The following VASN variants were observed in gnomAD, a reference collection of about 807,000 sequenced individuals.
VASN encodes the protein vasorin.
In VASN, 5 loss-of-function variants were observed where a neutral mutation model predicts 4.8. The observed-to-expected ratio is 1.03, with a 90% CI of 0.54 to 2.17. The LOEUF is 2.17. Ranked by LOEUF, VASN falls within the 30% of genes most tolerant of loss-of-function variation. VASN has a pLI of 0.01. For synonymous variants in VASN, 499 were observed against 460.8 expected, an observed-to-expected ratio of 1.08 and a Z score of -1.06; for missense variants, 927 against 948.8, an observed-to-expected ratio of 0.98 and a Z score of 0.30.
chr16:4,380,985 C>T lies in VASN; in HGVS notation c.108C>T (p.Val36=). The T allele has an allele frequency of 6.2e-7, 1 of 1,608,228 alleles. No homozygotes were observed. The highest frequency in any genetic ancestry group is 1.3e-5 in the African/African-American group (1 of 75,016). ...SGCQCSQPQT[V]FCTARQGTTV... ...GCCAGTGCAGCCAGCCACAGACAGT[C>T]TTCTGCACTGCCCGCCAGGGGACCA... The change falls in exon 2 of 2, where the codon GTC becomes GTT. Residue 36 remains valine (V), a synonymous_variant. Coordinates refer to ENST00000304735, the MANE Select transcript of VASN (RefSeq NM_138440.3).
Position 4,382,668 on chromosome 16 carries a change from CTG to C in VASN, c.1796_1797del (p.Val599AlafsTer51). On this transcript the variant is annotated frameshift_variant, in exon 2 of 2. Transcript: ENST00000304735. LOFTEE classifies it high-confidence loss of function. ...AALAAVGAAY[C>X]VRRGRAMAAA... The stretch of plus-strand genomic sequence containing the variant: ...CGCTGGCTGCGGTGGGGGCAGCCTA[CTG>C]TGTGCGGCGGGGGCGGGCCATGGCA... The C allele has an allele frequency of 6.5e-7, 1 of 1,549,900 alleles. No homozygotes were observed. Among genetic ancestry groups the C allele is most frequent in the Non-Finnish European group, 8.7e-7 (1 of 1,149,106 alleles).
intron 1 of VASN, among the ~76,000 whole-genome samples, chr16:4,375,398 C>G (rs2054682518): frequency 6.6e-6 from 1 of 152,264 alleles, no homozygotes; most frequent in African/African-American, 2.4e-5. Flanking sequence ...CCTTTGCAAC[C>G]CTCTGTCCTG....
Position 4,371,864 on chromosome 16 carries a change from C to G in VASN, c.-139C>G, listed in dbSNP as rs2054541158. 6.6e-6 allele frequency: 1 copy of G among 152,150 alleles called. No homozygotes were observed. Among genetic ancestry groups the G allele is most frequent in the African/African-American group, 2.4e-5 (1 of 41,460 alleles). 9.4% of individuals were successfully genotyped at this position (152,150 alleles called of 1,614,324 possible). A position where few individuals can be genotyped will look rare whatever the true frequency, so the allele number is the denominator to read the frequency against. On this transcript the variant is annotated 5_prime_UTR_variant, in exon 1 of 2. Transcript: ENST00000304735. ...CAGCGAGCCGACTCCGGAGCCCGAG[C>G]CCGGGGCGGGTGGACGCGGACTCGA...
At position 4,382,633 on chromosome 16, in the gene VASN, C is replaced by T. The variant is rs1048056699; in HGVS notation, c.1756C>T (p.Leu586Phe). The part of the protein sequence containing the change: ...LLIAPALAAV[L>F]LAALAAVGAA... ...CATTGCGCCCGCCCTGGCCGCGGTG[C>T]TCCTGGCCGCGCTGGCTGCGGTGGG... The change falls in exon 2 of 2, where the codon CTC becomes TTC. Residue 586 changes from leucine to phenylalanine, a missense_variant. Coordinates refer to ENST00000304735, the MANE Select transcript of VASN (RefSeq NM_138440.3). 3.8e-6 allele frequency: 6 copies of T among 1,563,982 alleles called. No individual in the cohort carries two copies. Among genetic ancestry groups the T allele is most frequent in the Non-Finnish European group, 3.5e-6 (4 of 1,156,288 alleles).
rs768403654 is a variant in VASN, at chr16:4,381,020, G to A, written c.143G>A (p.Arg48Gln). Residue 48 changes from arginine to glutamine, a missense_variant, in exon 2 of 2, where the codon CGA (arginine) becomes CAA (glutamine). Physicochemically the swap from Arg to Gln is conservative, Grantham distance 43. Coordinates refer to ENST00000304735, the MANE Select transcript of VASN (RefSeq NM_138440.3). ...CTARQGTTVP[R>Q]DVPPDTVGLY... ...GCCCGCCAGGGGACCACGGTGCCCC[G>A]AGACGTGCCACCCGACACGGTGGGG... 5.0e-6 allele frequency: 8 copies of A among 1,609,792 alleles called. No individual in the cohort carries two copies. The highest frequency in any genetic ancestry group is 2.2e-5 in the East Asian group (1 of 44,756).
Position 4,382,655 on chromosome 16 carries a change from TGGGGGCAGCCTACTGTGTGCGGC to T in VASN, c.1785_1807del (p.Ala596GlyfsTer47), listed in dbSNP as rs940509334. ...GTGCTCCTGGCCGCGCTGGCTGCGG[TGGGGGCAGCCTACTGTGTGCGGC>T]GGGGGCGGGCCATGGCAGCAGCGGC... is the stretch of plus-strand genomic sequence containing the variant. On this transcript the variant is annotated frameshift_variant, in exon 2 of 2. Coordinates refer to ENST00000304735, the MANE Select transcript of VASN (RefSeq NM_138440.3). LOFTEE classifies it high-confidence loss of function. 12 of 1,553,330 alleles carry T rather than the reference TGGGGGCAGCCTACTGTGTGCGGC, an allele frequency of 7.7e-6. No homozygotes were observed. The highest frequency in any genetic ancestry group is 1.4e-5 in the African/African-American group (1 of 73,282).
In VASN at chr16:4,382,932, T is replaced by G; in HGVS notation, c.*33T>G. The G allele has an allele frequency of 6.8e-7, 1 of 1,461,844 alleles. No homozygotes were observed. The highest frequency in any genetic ancestry group is 9.0e-7 in the Non-Finnish European group (1 of 1,106,520). 90.6% of individuals were successfully genotyped at this position (1,461,844 alleles called of 1,614,324 possible). On this transcript the variant is annotated 3_prime_UTR_variant, in exon 2 of 2. Transcript: ENST00000304735. ...AGAGACAGGGCAGCTGGGGCCGGGC[T>G]CTCAGCCAGTGAGATGGCCAGCCCC...
chr16:4,376,480 C>T (rs1429457968), intron 1 of VASN, among the ~76,000 whole-genome samples: 1 of 152,190 alleles, frequency 6.6e-6, no homozygotes, highest in Non-Finnish European at 1.5e-5. Flanking sequence ...GAGGGGCGTA[C>T]TGGCCTCAGA....
At chr16:4,373,773 G>A (rs2054616880) in intron 1 of VASN, among the ~76,000 whole-genome samples, 2 of 152,176 alleles carry the variant, frequency 1.3e-5, no homozygotes, top group Admixed American at 1.3e-4. Flanking sequence ...GAACAAGAAA[G>A]CAGGGCCCTG....
Position 4,381,117 on chromosome 16 carries a change from C to A in VASN, c.240C>A (p.Leu80=). ...TTGCCGGCCTGCCGGGCCTGCAGCT[C>A]CTGGACCTGTCACAGAACCAGATCG... is the stretch of plus-strand genomic sequence containing the variant. ...GSFAGLPGLQ[L]LDLSQNQIAS... The change falls in exon 2 of 2, where the codon CTC becomes CTA. Residue 80 remains leucine (L), a synonymous_variant. Coordinates refer to ENST00000304735, the MANE Select transcript of VASN (RefSeq NM_138440.3). 1 of 1,609,766 alleles carries A rather than the reference C, an allele frequency of 6.2e-7. No homozygotes were observed. Among genetic ancestry groups the A allele is most frequent in the African/African-American group, 1.3e-5 (1 of 74,984 alleles).
intron 1 of VASN, among the ~76,000 whole-genome samples, chr16:4,378,605 G>A (rs889441176): frequency 1.3e-5 from 2 of 152,140 alleles, no homozygotes; most frequent in Non-Finnish European, 2.9e-5. Flanking sequence ...AGGGCCTTAG[G>A]TCATCAGACA....
At chr16:4,375,544 G>C (rs1163775776) in intron 1 of VASN, among the ~76,000 whole-genome samples, 5 of 152,246 alleles carry the variant, frequency 3.3e-5, no homozygotes, top group Non-Finnish European at 5.9e-5. Context: ...CTGGAGTGCA[G>C]TGGCGCAATA....
intron 1 of VASN, among the ~76,000 whole-genome samples, chr16:4,373,951 T>C (rs889634114): frequency 7.2e-5 from 11 of 152,162 alleles, no homozygotes; most frequent in Admixed American, 2.0e-4. Context: ...TAGTGACCTC[T>C]CCTGGACCCC....
intron 1 of VASN, among the ~76,000 whole-genome samples, 176 bp from the exon 2 acceptor site, chr16:4,380,693 G>A (rs576015546): frequency 1.3e-5 from 2 of 152,368 alleles, no homozygotes. Context: ...CACAGTGAGG[G>A]AGTGACGGGG....
In VASN at chr16:4,381,635, C is replaced by A; in HGVS notation, c.758C>A (p.Ala253Asp). ...CGGCTGGCCGGCAACACCCGCATTG[C>A]CCAGCTGCGGCCCGAGGACCTGGCC... ...RLRLAGNTRI[A>D]QLRPEDLAGL... The change falls in exon 2 of 2, where the codon GCC (alanine) becomes GAC (aspartate). Residue 253 changes from alanine (A) to aspartate (D), a missense_variant. Ala to Asp is a moderately radical substitution (Grantham distance 126). Coordinates refer to ENST00000304735, the MANE Select transcript of VASN (RefSeq NM_138440.3). 1.3e-6 allele frequency: 2 copies of A among 1,599,602 alleles called. No individual in the cohort carries two copies. Among genetic ancestry groups the A allele is most frequent in the Non-Finnish European group, 1.7e-6 (2 of 1,173,856 alleles).
In VASN at chr16:4,382,272, C is replaced by G. The variant is rs772324023; in HGVS notation, c.1395C>G (p.Thr465=). The change falls in exon 2 of 2, where the codon ACC becomes ACG. Residue 465 remains threonine, a synonymous_variant. Coordinates refer to ENST00000304735, the MANE Select transcript of VASN (RefSeq NM_138440.3). The part of the protein sequence containing the change: ...PVTPRPPRSL[T]LGIEPVSPTS... The stretch of plus-strand genomic sequence containing the variant: ...CGCCGAGGCCACCACGGTCCCTGAC[C>G]CTGGGCATCGAGCCGGTGAGCCCCA... The G allele has an allele frequency of 2.7e-5, 43 of 1,608,790 alleles. No individual in the cohort carries two copies. The Middle Eastern group carries it at 4.9e-4, about 18-fold the overall frequency.
Position 4,381,525 on chromosome 16 carries a change from C to T in VASN, c.648C>T (p.Arg216=), listed in dbSNP as rs1350155028. 6 of 1,601,642 alleles carry T rather than the reference C, an allele frequency of 3.7e-6. No homozygotes were observed. The highest frequency in any genetic ancestry group is 4.3e-6 in the Non-Finnish European group (5 of 1,175,266). The change falls in exon 2 of 2, where the codon CGC becomes CGT. Residue 216 remains arginine, a synonymous_variant. Coordinates refer to ENST00000304735, the MANE Select transcript of VASN (RefSeq NM_138440.3). ...ACGAGGGGCTCTTCAGCCGCTTGCG[C>T]AACCTCCACGACCTGGATGTGTCCG... ...QLDEGLFSRL[R]NLHDLDVSDN...
At chr16:4,376,255 C>T (rs1249600631) in intron 1 of VASN, among the ~76,000 whole-genome samples, 1 of 152,212 alleles carries the variant, frequency 6.6e-6, no homozygotes, top group Non-Finnish European at 1.5e-5. Context: ...CCCTGAGCCT[C>T]CTCGGACACG....
At position 4,380,909 on chromosome 16, in the gene VASN, T is replaced by C. The variant is rs150063253; in HGVS notation, c.32T>C (p.Leu11Pro). 1.1e-4 allele frequency: 165 copies of C among 1,562,174 alleles called. No individual in the cohort carries two copies. In the East Asian group the frequency reaches 3.5e-3, roughly 33 times the overall value. MCSRVPLLLP[L>P]LLLLALGPGV... ...TCCAGGGTCCCTCTGCTGCTGCCGC[T>C]GCTCCTGCTACTGGCCCTGGGGCCT... The change falls in exon 2 of 2, where the codon CTG (leucine) becomes CCG (proline). Residue 11 changes from leucine (L) to proline (P), a missense_variant. By Grantham distance (98) the Leu-to-Pro change is moderately conservative. Coordinates refer to ENST00000304735, the MANE Select transcript of VASN (RefSeq NM_138440.3).
Sources: gnomAD v4.1 joint callset for allele counts (sites outside exome capture counted in the v4.1 genomes callset) on GRCh38, gnomAD v4.1.1 for gene constraint, MANE v1.5 for transcripts, NCBI Gene and HGNC (gene_info 2026-07-23, HGNC 2026-07-21) for gene names.